The following LINGO2 variants were observed in gnomAD, a reference collection of about 807,000 sequenced individuals.
The protein encoded by LINGO2 is leucine-rich repeat and immunoglobulin-like domain-containing nogo receptor-interacting protein 2.
In LINGO2, 14 loss-of-function variants were observed where a neutral mutation model predicts 30.6. The observed-to-expected ratio is 0.46, with a 90% CI of 0.30 to 0.72. LINGO2 has a LOEUF of 0.72. LINGO2 is among the 30% of genes least tolerant of loss of function. The probability of loss-of-function intolerance (pLI) is 0.07; values close to 1 mark genes in which losing one functional copy is unlikely to be tolerated. For synonymous variants in LINGO2, 317 were observed against 288.5 expected, an observed-to-expected ratio of 1.10 and a Z score of -1.00; for missense variants, 729 against 751.7, an observed-to-expected ratio of 0.97 and a Z score of 0.35.
At chr9:28,492,545 G>T (rs1030119943) in intron 1 of LINGO2, among the ~76,000 whole-genome samples, 1 of 152,124 alleles carries the variant, frequency 6.6e-6, no homozygotes, top group African/African-American at 2.4e-5. Flanking sequence ...CTTAATGTTG[G>T]TTGTTTTTGT....
Position 28,147,628 on chromosome 9 carries a change from C to G in LINGO2, c.-86-135223G>C, listed in dbSNP as rs1192002251. On this transcript the variant is annotated intron_variant, in intron 4 of 5. Coordinates refer to ENST00000379992, the Ensembl canonical transcript of LINGO2. The surrounding 1 kb of genome is among the most constrained non-coding windows in gnomAD (Gnocchi z 4.7). Reference sequence around the variant, plus strand: ...CAAGACAGGGCCACTGGGTGCCAGCCAGCACCTGGGCGAGGTGCCAGGTGG... The same window carrying G: ...CAAGACAGGGCCACTGGGTGCCAGCGAGCACCTGGGCGAGGTGCCAGGTGG... Among the ~76,000 whole-genome samples the G allele has an allele frequency of 6.6e-6, 1 of 152,150 alleles. No individual in the cohort carries two copies. Among genetic ancestry groups the G allele is most frequent in the East Asian group, 1.9e-4 (1 of 5,148 alleles).
intron 4 of LINGO2, among the ~76,000 whole-genome samples, chr9:28,156,861 T>C (rs1287746527): frequency 6.6e-6 from 1 of 152,234 alleles, no homozygotes; most frequent in Non-Finnish European, 1.5e-5. Flanking sequence ...TTTGACTCCA[T>C]GCTTTATATC....
At chr9:29,034,375 T>G in the LINGO2 span, among the ~76,000 whole-genome samples, 15 of 152,260 alleles carry the variant, frequency 9.9e-5, no homozygotes, top group African/African-American at 3.6e-4. Context: ...CATTAAATAC[T>G]TCATATTTTA....
intron 2 of LINGO2, among the ~76,000 whole-genome samples, chr9:28,451,016 GGTAGA>G (rs1824629226): frequency 6.6e-6 from 1 of 151,660 alleles, no homozygotes; most frequent in African/African-American, 2.4e-5. Context: ...TGTTTAAATT[GGTAGA>G]GTAGTTTAAA....
At chr9:28,426,537 G>A (rs1823420884) in intron 2 of LINGO2, among the ~76,000 whole-genome samples, 2 of 152,066 alleles carry the variant, frequency 1.3e-5, no homozygotes, top group Non-Finnish European at 2.9e-5. Context: ...TCAAAACATT[G>A]TTTGTTTTGT....
At chr9:27,964,367 A>G (rs1017038716) in intron 5 of LINGO2, among the ~76,000 whole-genome samples, 1 of 152,140 alleles carries the variant, frequency 6.6e-6, no homozygotes, top group African/African-American at 2.4e-5. Flanking sequence ...CTGATTACCA[A>G]TTCTGGGGGT....
chr9:29,164,234 C>T, the LINGO2 span, among the ~76,000 whole-genome samples: 5 of 152,052 alleles, frequency 3.3e-5, no homozygotes, highest in East Asian at 1.9e-4. Flanking sequence ...CCTTAGTTAC[C>T]GCAGCCGAGG....
intron 4 of LINGO2, among the ~76,000 whole-genome samples, chr9:28,244,536 T>A (rs981550485): frequency 2.0e-5 from 3 of 151,432 alleles, no homozygotes; most frequent in Admixed American, 6.6e-5. Context: ...TTGAAAAAAA[T>A]TAATAAAATA....
chr9:28,487,392 A>G (rs1826213701), intron 1 of LINGO2, among the ~76,000 whole-genome samples: 1 of 152,196 alleles, frequency 6.6e-6, no homozygotes, highest in African/African-American at 2.4e-5. Context: ...TCCTACTTGA[A>G]TAAGCCTGAT....
intron 2 of LINGO2, among the ~76,000 whole-genome samples, chr9:28,446,001 T>A (rs961877048): frequency 1.5e-4 from 23 of 152,214 alleles, no homozygotes; most frequent in African/African-American, 5.3e-4. Flanking sequence ...TTTGAGGATA[T>A]ATATCACAAT....
intron 4 of LINGO2, among the ~76,000 whole-genome samples, chr9:28,039,207 G>C (rs780911977): frequency 2.6e-5 from 4 of 152,092 alleles, no homozygotes; most frequent in African/African-American, 9.7e-5. Flanking sequence ...CATACATAAA[G>C]TTGTTTTCTA....
chr9:28,674,432 C>A (rs1345848439), upstream of LINGO2, among the ~76,000 whole-genome samples: 1 of 152,096 alleles, frequency 6.6e-6, no homozygotes, highest in African/African-American at 2.4e-5. Context: ...TATCAACCTA[C>A]ATTTGAATGT....
intron 1 of LINGO2, among the ~76,000 whole-genome samples, chr9:28,665,443 C>A (rs1432505931): frequency 6.6e-6 from 1 of 152,172 alleles, no homozygotes; most frequent in African/African-American, 2.4e-5. Flanking sequence ...CCAATAGAAT[C>A]ATAAGTTAAA....
At chr9:28,648,561 G>A (rs7022705) in intron 1 of LINGO2, among the ~76,000 whole-genome samples, 45,906 of 151,844 alleles carry the variant, frequency 0.3, 8,082 homozygotes, top group African/African-American at 0.48. Flanking sequence ...AGATTCCTCT[G>A]ACAGGTAGTC....
At chr9:29,188,738 G>A in the LINGO2 span, among the ~76,000 whole-genome samples, 1 of 140,046 alleles carries the variant, frequency 7.1e-6, no homozygotes, top group South Asian at 2.2e-4. Context: ...TGGGGCGGCT[G>A]GCCGGGCAGA....
chr9:28,664,312 GACAA>G (rs572393639), intron 1 of LINGO2, among the ~76,000 whole-genome samples: 16 of 152,170 alleles, frequency 1.1e-4, no homozygotes, highest in African/African-American at 3.4e-4. Flanking sequence ...AAGGAACAAT[GACAA>G]ACAGTCTTTG....
chr9:28,757,553 T>C, the LINGO2 span, among the ~76,000 whole-genome samples: 1 of 91,590 alleles, frequency 1.1e-5, no homozygotes, highest in Middle Eastern at 4.5e-3. Flanking sequence ...AAATATAGGA[T>C]ATAAAGAAAT....
At chr9:28,553,854 G>A (rs1022373684) in intron 1 of LINGO2, among the ~76,000 whole-genome samples, 15 of 152,004 alleles carry the variant, frequency 9.9e-5, no homozygotes, top group Admixed American at 8.5e-4. Flanking sequence ...CAACATTCTT[G>A]AAGAAAAGAA....
the LINGO2 span, among the ~76,000 whole-genome samples, chr9:28,940,654 T>G: frequency 6.6e-6 from 1 of 152,118 alleles, no homozygotes; most frequent in African/African-American, 2.4e-5. Flanking sequence ...CATTAAAACT[T>G]TGTATGTGCA....
Sources: allele counts gnomAD v4.1 joint callset (sites outside exome capture counted in the v4.1 genomes callset), GRCh38; gene constraint gnomAD v4.1.1; non-coding constraint Gnocchi (gnomAD v3.1); transcripts MANE v1.5; gene names NCBI Gene and HGNC (gene_info 2026-07-23, HGNC 2026-07-21).